CSNK2A2IP: variants seen among roughly 807,000 people sequenced by gnomAD.
CSNK2A2IP encodes casein kinase II subunit alpha'-interacting protein.
chr3:88,403,776 A>G, the CSNK2A2IP span, among the ~76,000 whole-genome samples: 1 of 152,162 alleles, frequency 6.6e-6, no homozygotes, highest in East Asian at 1.9e-4. Flanking sequence ...AACTGTAGGC[A>G]AATGATAGCA....
At chr3:88,343,173 A>G in the CSNK2A2IP span, 2 of 152,242 alleles carry the variant, frequency 1.3e-5, no homozygotes, top group African/African-American at 4.8e-5. Flanking sequence ...GGAGAAGAGT[A>G]CAAAGCAACA....
chr3:88,376,044 G>T, the CSNK2A2IP span, among the ~76,000 whole-genome samples: 1 of 151,714 alleles, frequency 6.6e-6, no homozygotes, highest in Non-Finnish European at 1.5e-5. Context: ...CTCCCTGGCT[G>T]ACCAAAATCT....
chr3:88,412,432 A>G, the CSNK2A2IP span, among the ~76,000 whole-genome samples: 1 of 151,948 alleles, frequency 6.6e-6, no homozygotes, highest in South Asian at 2.1e-4. Context: ...TTGTGACTGT[A>G]TCAAACCTGA....
At chr3:88,442,433 A>G in the CSNK2A2IP span, among the ~76,000 whole-genome samples, 1 of 152,154 alleles carries the variant, frequency 6.6e-6, no homozygotes, top group Non-Finnish European at 1.5e-5. Flanking sequence ...TCTCATAGAC[A>G]AGAAGATACA....
chr3:88,433,213 CT>C, the CSNK2A2IP span, among the ~76,000 whole-genome samples: 1 of 151,964 alleles, frequency 6.6e-6, no homozygotes, highest in East Asian at 1.9e-4. Context: ...CTGATCCCGA[CT>C]TAATAAGTAT....
the CSNK2A2IP span, among the ~76,000 whole-genome samples, chr3:88,366,360 T>C: frequency 2.0e-5 from 3 of 152,090 alleles, no homozygotes; most frequent in African/African-American, 7.2e-5. Context: ...TGTTCTGGAG[T>C]GAGTCAACTG....
At chr3:88,463,059 G>T in the CSNK2A2IP span, among the ~76,000 whole-genome samples, 1 of 152,154 alleles carries the variant, frequency 6.6e-6, no homozygotes, top group Non-Finnish European at 1.5e-5. Flanking sequence ...GACATAAAGA[G>T]AAATTTCTAG....
At chr3:88,365,610 A>T in the CSNK2A2IP span, among the ~76,000 whole-genome samples, 1 of 152,140 alleles carries the variant, frequency 6.6e-6, no homozygotes, top group Non-Finnish European at 1.5e-5. Flanking sequence ...TTGGTCATGT[A>T]TCCCTTCCCA....
the CSNK2A2IP span, among the ~76,000 whole-genome samples, chr3:88,445,972 C>T: frequency 7.2e-3 from 425 of 59,176 alleles, 18 homozygotes; most frequent in African/African-American, 0.017. Context: ...CTCCCTCCCT[C>T]TCTCTCTTTC....
At chr3:88,411,385 C>G in the CSNK2A2IP span, among the ~76,000 whole-genome samples, 1 of 122,318 alleles carries the variant, frequency 8.2e-6, no homozygotes, top group African/African-American at 2.6e-5. Context: ...ATCTGTCTAT[C>G]TATCTATCTA....
chr3:88,452,178 A>ATT, the CSNK2A2IP span, among the ~76,000 whole-genome samples: 4,446 of 146,402 alleles, frequency 0.03, 142 homozygotes, highest in East Asian at 0.16. Context: ...CTCGGTTTAG[A>ATT]TTTTTTTTTT....
the CSNK2A2IP span, among the ~76,000 whole-genome samples, chr3:88,457,122 A>T: frequency 6.6e-6 from 1 of 152,156 alleles, no homozygotes; most frequent in African/African-American, 2.4e-5. Context: ...CGAGGATTCA[A>T]TATAGAATAC....
the CSNK2A2IP span, among the ~76,000 whole-genome samples, chr3:88,345,237 A>G: frequency 3.9e-5 from 6 of 152,160 alleles, no homozygotes; most frequent in African/African-American, 9.6e-5. Context: ...AAACAGATGA[A>G]CAACCTACAT....
chr3:88,433,063 G>A, the CSNK2A2IP span, among the ~76,000 whole-genome samples: 6 of 151,788 alleles, frequency 4.0e-5, no homozygotes, highest in Non-Finnish European at 5.9e-5. Context: ...TATTATCCAA[G>A]GTTATAAAGA....
chr3:88,389,293 G>A, the CSNK2A2IP span, among the ~76,000 whole-genome samples: 2,117 of 152,122 alleles, frequency 0.014, 49 homozygotes, highest in African/African-American at 0.046. Context: ...GGCTTGATGA[G>A]GTATTACAAT....
the CSNK2A2IP span, chr3:88,467,194 A>ACCTCCTCCTCCACTT: frequency 2.3e-5 from 9 of 399,258 alleles, no homozygotes; most frequent in Non-Finnish European, 3.5e-5. Flanking sequence ...GCTCCCATCC[A>ACCTCCTCCTCCACTT]CCTCCTCCTC....
At chr3:88,390,716 G>A in the CSNK2A2IP span, among the ~76,000 whole-genome samples, 4 of 152,140 alleles carry the variant, frequency 2.6e-5, no homozygotes, top group Non-Finnish European at 5.9e-5. Context: ...TTCTTGAGCA[G>A]TCTGAAATAA....
At chr3:88,445,693 G>A in the CSNK2A2IP span, among the ~76,000 whole-genome samples, 1 of 151,946 alleles carries the variant, frequency 6.6e-6, no homozygotes, top group Non-Finnish European at 1.5e-5. Flanking sequence ...TGAGTAACTG[G>A]GATTACAAGT....
At chr3:88,387,273 T>C in the CSNK2A2IP span, among the ~76,000 whole-genome samples, 1 of 151,830 alleles carries the variant, frequency 6.6e-6, no homozygotes, top group Admixed American at 6.6e-5. Context: ...GTGATTCTCC[T>C]GCCTCAGCCC....
Sources: allele counts gnomAD v4.1 joint callset (sites outside exome capture counted in the v4.1 genomes callset), GRCh38; gene constraint gnomAD v4.1.1; transcripts MANE v1.5; gene names NCBI Gene and HGNC (gene_info 2026-07-23, HGNC 2026-07-21).